The following ADCY8 variants were observed in gnomAD, a reference collection of about 807,000 sequenced individuals.
ADCY8 encodes the protein adenylate cyclase type 8.
A neutral mutation model predicts 119.7 loss-of-function variants in ADCY8; 51 were observed. That is an observed-to-expected ratio of 0.43 (90% confidence interval 0.34 to 0.54). The LOEUF is 0.54. Among genes scored for constraint, ADCY8 ranks in the 20% least tolerant of loss-of-function variants. The probability of loss-of-function intolerance (pLI) is 0.03; values close to 1 mark genes in which losing one functional copy is unlikely to be tolerated. For synonymous variants in ADCY8, 665 were observed against 651.0 expected (o/e 1.02, Z -0.33); for missense variants, 1,383 against 1,598.8 (o/e 0.87, Z 2.30).
chr8:131,004,179 C>T (rs898557493), intron 1 of ADCY8, among the ~76,000 whole-genome samples: 9 of 152,090 alleles, frequency 5.9e-5, no homozygotes, highest in Non-Finnish European at 8.8e-5. Context: ...TAGGTTTACA[C>T]GAGCAAAGAA....
At chr8:130,868,006 A>G in intron 8 of ADCY8, 60 bp from the exon 9 acceptor site, 2 of 1,091,926 alleles carry the variant, frequency 1.8e-6, no homozygotes, top group Non-Finnish European at 1.3e-6. Context: ...TTTGAGGTTG[A>G]GGGAAACATC....
rs186382217 is a variant in ADCY8, at chr8:130,969,439, G to C, written c.1111-17441C>G. ...TTTCTCTCTATCTACACATTCTCTT[G>C]GCTCTGTTTCTCTGTGGAACCCTGA... On this transcript the variant is annotated intron_variant, in intron 2 of 17. Transcript: ENST00000286355. Among the ~76,000 whole-genome samples the C allele has an allele frequency of 1.6e-3, 236 of 152,040 alleles. 1 individual carries two copies. Among genetic ancestry groups the C allele is most frequent in the African/African-American group, 5.6e-3 (232 of 41,460 alleles).
chr8:130,902,504 C>A (rs1379595174), intron 7 of ADCY8, among the ~76,000 whole-genome samples: 3 of 152,198 alleles, frequency 2.0e-5, no homozygotes. Context: ...GTTCAACCTG[C>A]AGCTTTTCCC....
chr8:130,986,787 C>T (rs1245896440), intron 2 of ADCY8, among the ~76,000 whole-genome samples: 1 of 152,168 alleles, frequency 6.6e-6, no homozygotes, highest in East Asian at 1.9e-4. Flanking sequence ...CTTTGGTGTA[C>T]ACAGCACTTT....
chr8:130,943,534 A>C, intron 3 of ADCY8, 72 bp from the exon 4 acceptor site: 1 of 868,034 alleles, frequency 1.2e-6, no homozygotes, highest in Non-Finnish European at 1.9e-6. Context: ...TGGGATACAC[A>C]TCAACACCAT....
intron 5 of ADCY8, among the ~76,000 whole-genome samples, chr8:130,918,673 T>C (rs1277226253): frequency 6.6e-6 from 1 of 152,232 alleles, no homozygotes; most frequent in Admixed American, 6.5e-5. Context: ...TCAACATTAT[T>C]TTAGAGAGTA....
At chr8:130,872,128 T>C (rs1818386407) in intron 8 of ADCY8, among the ~76,000 whole-genome samples, 1 of 152,196 alleles carries the variant, frequency 6.6e-6, no homozygotes, top group Non-Finnish European at 1.5e-5. Flanking sequence ...ATTTGGAATA[T>C]TATTATTTCT....
In ADCY8 at chr8:131,040,643, C is replaced by T. The variant is rs1824365365; in HGVS notation, c.-310G>A. ...AGGAGCCGCAGCGCTGTGAGCCACG[C>T]AGCCCCTTCCTGGGCTCAGGCTCCT... On this transcript the variant is annotated 5_prime_UTR_variant, in exon 1 of 18. Coordinates refer to ENST00000286355, the MANE Select transcript of ADCY8 (RefSeq NM_001115.3). 1.1e-5 allele frequency: 3 copies of T among 267,496 alleles called. No individual in the cohort carries two copies. Among genetic ancestry groups the T allele is most frequent in the Middle Eastern group, 1.0e-3 (1 of 964 alleles). 16.6% of individuals were successfully genotyped at this position (267,496 alleles called of 1,614,324 possible). A position where few individuals can be genotyped will look rare whatever the true frequency, so the allele number is the denominator to read the frequency against.
At chr8:130,905,776 C>A (rs1468328522) in intron 6 of ADCY8, among the ~76,000 whole-genome samples, 1 of 152,158 alleles carries the variant, frequency 6.6e-6, no homozygotes, top group East Asian at 1.9e-4. Flanking sequence ...GGGAAGATCG[C>A]TTGAGCCCAG....
intron 2 of ADCY8, among the ~76,000 whole-genome samples, chr8:130,976,246 T>C (rs1049890207): frequency 1.3e-5 from 2 of 152,182 alleles, no homozygotes; most frequent in African/African-American, 4.8e-5. Context: ...GCGAACTTGC[T>C]AGGGCCCCTC....
chr8:130,875,028 G>C (rs2164306), intron 8 of ADCY8, among the ~76,000 whole-genome samples: 3 of 151,920 alleles, frequency 2.0e-5, no homozygotes, highest in Non-Finnish European at 2.9e-5. Flanking sequence ...ATATTACACT[G>C]TTATAGGTGA....
At chr8:130,990,647 T>A in intron 1 of ADCY8, 105 bp from the exon 2 acceptor site, 1 of 1,403,846 alleles carries the variant, frequency 7.1e-7, no homozygotes, top group Non-Finnish European at 9.7e-7. Flanking sequence ...CCTAATGTAG[T>A]AATCCATATG....
chr8:131,019,980 G>A (rs1464474801), intron 1 of ADCY8, among the ~76,000 whole-genome samples: 1 of 152,046 alleles, frequency 6.6e-6, no homozygotes, highest in African/African-American at 2.4e-5. Context: ...GGTTCCTTGA[G>A]CTGAGAATGA....
chr8:130,866,351 T>A (rs1448919018), intron 9 of ADCY8, among the ~76,000 whole-genome samples: 1 of 152,114 alleles, frequency 6.6e-6, no homozygotes, highest in Non-Finnish European at 1.5e-5. Flanking sequence ...TTCCACAGCA[T>A]CATGCTACAA....
intron 2 of ADCY8, among the ~76,000 whole-genome samples, chr8:130,985,571 CA>C (rs1472348765): frequency 1.3e-5 from 2 of 152,052 alleles, no homozygotes; most frequent in Non-Finnish European, 2.9e-5. Flanking sequence ...TGAGAAGACC[CA>C]TCTAGTTGGA....
rs182280898 is a variant in ADCY8 at position 130,943,643 on chromosome 8, A to G, written c.1242-181T>C. Reference sequence around the variant, plus strand: ...GTATTTAATAAATATCTCAGCAGAGAGTCCACTCAGGAGCTCAGGAAGGAC... The same window carrying G: ...GTATTTAATAAATATCTCAGCAGAGGGTCCACTCAGGAGCTCAGGAAGGAC... On this transcript the variant is annotated intron_variant, in intron 3 of 17. Coordinates refer to ENST00000286355, the MANE Select transcript of ADCY8 (RefSeq NM_001115.3). Among the ~76,000 whole-genome samples the G allele has an allele frequency of 3.8e-3, 578 of 152,316 alleles. 20 individuals carry two copies. Among genetic ancestry groups the G allele is most frequent in the Admixed American group, 0.036 (551 of 15,304 alleles).
At chr8:130,895,992 C>T (rs755698644) in intron 7 of ADCY8, among the ~76,000 whole-genome samples, 1 of 151,308 alleles carries the variant, frequency 6.6e-6, no homozygotes, top group Non-Finnish European at 1.5e-5. Flanking sequence ...GAAATCTGTG[C>T]TTTGGTCTTG....
chr8:130,963,470 T>C (rs1224948923), intron 2 of ADCY8, among the ~76,000 whole-genome samples: 2 of 152,220 alleles, frequency 1.3e-5, no homozygotes, highest in Non-Finnish European at 2.9e-5. Flanking sequence ...CTGTCTTTTA[T>C]TAAATTAAAT....
At chr8:130,945,434 A>G (rs1405043227) in intron 3 of ADCY8, among the ~76,000 whole-genome samples, 1 of 152,198 alleles carries the variant, frequency 6.6e-6, no homozygotes, top group Admixed American at 6.5e-5. Flanking sequence ...TTGAGTCTAG[A>G]TAGATCTGGG....
Sources: gnomAD v4.1 joint callset for allele counts (sites outside exome capture counted in the v4.1 genomes callset) on GRCh38, gnomAD v4.1.1 for gene constraint, MANE v1.5 for transcripts, NCBI Gene and HGNC (gene_info 2026-07-23, HGNC 2026-07-21) for gene names.